The following MKLN1 variants were observed in gnomAD, a reference collection of about 807,000 sequenced individuals.
MKLN1 encodes muskelin.
In MKLN1, 18 loss-of-function variants were observed where a neutral mutation model predicts 99.0. The observed-to-expected ratio is 0.18, with a 90% CI of 0.13 to 0.27. The LOEUF is 0.27. Among genes scored for constraint, MKLN1 ranks in the 10% least tolerant of loss-of-function variants. MKLN1 has a pLI of 1.00. For synonymous variants in MKLN1, 288 were observed against 293.2 expected (o/e 0.98, Z 0.18); for missense variants, 621 against 875.9 (o/e 0.71, Z 3.67).
Position 131,443,477 on chromosome 7 carries a change from A to G in MKLN1, c.1174-4A>G. The G allele has an allele frequency of 6.3e-7, 1 of 1,598,858 alleles. No individual in the cohort carries two copies. Among genetic ancestry groups the G allele is most frequent in the South Asian group, 1.1e-5 (1 of 90,754 alleles). On this transcript the variant is annotated splice_polypyrimidine_tract_variant and splice_region_variant and intron_variant, in intron 10 of 17. Coordinates refer to ENST00000352689, the MANE Select transcript of MKLN1 (RefSeq NM_013255.5). The stretch of plus-strand genomic sequence containing the variant: ...CTATTCAATCTGTTGCCTTGTTCTG[A>G]TAGATGTGTATGGACTCAGAAAAAC...
At chr7:131,281,690 T>G (rs1379409367) in intron 3 of MKLN1, among the ~76,000 whole-genome samples, 1 of 131,076 alleles carries the variant, frequency 7.6e-6, no homozygotes, top group East Asian at 2.0e-4. Context: ...ATTTCTTTTC[T>G]TTTTTTTTTT....
chr7:131,323,579 C>G (rs1798827197), upstream of MKLN1: 1 of 152,164 alleles, frequency 6.6e-6, no homozygotes, highest in Admixed American at 6.5e-5. Flanking sequence ...TTCCCAGATA[C>G]TACAAGACAG....
chr7:131,398,786 A>C (rs752782054), intron 5 of MKLN1, among the ~76,000 whole-genome samples: 2 of 152,174 alleles, frequency 1.3e-5, no homozygotes, highest in Non-Finnish European at 1.5e-5. Flanking sequence ...TGTATACTTG[A>C]TACTTGTCAT....
intron 3 of MKLN1, among the ~76,000 whole-genome samples, chr7:131,311,724 C>T (rs1405989452): frequency 6.6e-6 from 1 of 151,986 alleles, no homozygotes; most frequent in Admixed American, 6.6e-5. Flanking sequence ...TCAAAGATTG[C>T]AAAAAGCAAA....
chr7:131,191,062 G>A (rs1796533934), intron 2 of MKLN1, among the ~76,000 whole-genome samples: 1 of 152,196 alleles, frequency 6.6e-6, no homozygotes, highest in Admixed American at 6.5e-5. Context: ...GACTAGCTAG[G>A]CCATAGATAG....
intron 2 of MKLN1, among the ~76,000 whole-genome samples, chr7:131,145,039 C>T (rs957741845): frequency 4.6e-5 from 7 of 152,088 alleles, no homozygotes; most frequent in Non-Finnish European, 1.0e-4. Flanking sequence ...GATGCATATT[C>T]GGATCTCCAG....
chr7:131,112,208 CT>C (rs1795212671), intron 1 of MKLN1, among the ~76,000 whole-genome samples: 1 of 152,158 alleles, frequency 6.6e-6, no homozygotes, highest in Admixed American at 6.5e-5. Flanking sequence ...CATTGTAGGT[CT>C]TATGTCAGTT....
chr7:131,241,567 G>A (rs1254042764), intron 3 of MKLN1, among the ~76,000 whole-genome samples: 1 of 152,140 alleles, frequency 6.6e-6, no homozygotes, highest in Non-Finnish European at 1.5e-5. Context: ...AAGTAGCCAG[G>A]TGTGGTGGCC....
rs551433955 is a variant in MKLN1 at position 131,190,459 on chromosome 7, G to GA, written c.-296-12383dup. Among the ~76,000 whole-genome samples, 1,566 of 133,026 alleles carry GA rather than the reference G, an allele frequency of 0.012. 78 individuals are homozygous for GA. The East Asian group carries it at 0.17, about 15-fold the overall frequency. The allele number at this position is 133,026 out of a possible 152,430, so 87.3% of individuals were successfully genotyped here. A position where few individuals can be genotyped will look rare whatever the true frequency, so the allele number is the denominator to read the frequency against. Reference sequence around the variant, plus strand: ...ATTTCCATTCTTTGCTTGCAGCTCTGAAAAAAAAAAAAAAATCTAAAGAGC... The same window carrying GA: ...ATTTCCATTCTTTGCTTGCAGCTCTGAAAAAAAAAAAAAAAATCTAAAGAGC... On this transcript the variant is annotated intron_variant, in intron 2 of 7. Coordinates refer to the MKLN1 transcript ENST00000416992.
intron 6 of MKLN1, among the ~76,000 whole-genome samples, chr7:131,410,683 G>A (rs547624672): frequency 6.6e-6 from 1 of 152,180 alleles, no homozygotes; most frequent in East Asian, 1.9e-4. Flanking sequence ...TGTCATTATA[G>A]GATGTAAAGA....
intron 2 of MKLN1, among the ~76,000 whole-genome samples, chr7:131,162,119 C>T (rs369903653): frequency 2.0e-5 from 3 of 151,490 alleles, no homozygotes; most frequent in African/African-American, 4.9e-5. Flanking sequence ...CTGCAACCTC[C>T]GCCTCCTGAG....
In MKLN1 at chr7:131,328,006, C is replaced by T. The variant is rs779833211; in HGVS notation, c.98+9C>T. ...TCCACCTACCTTCCCGAGTAAGTGC[C>T]GGGCCTTGAGCTCGTGCTGCCCCAC... On this transcript the variant is annotated intron_variant, in intron 1 of 17. Transcript: ENST00000352689. 2 of 1,613,656 alleles carry T rather than the reference C, an allele frequency of 1.2e-6. No homozygotes were observed. Among genetic ancestry groups the T allele is most frequent in the South Asian group, 1.1e-5 (1 of 91,054 alleles).
chr7:131,279,698 C>T (rs1206780579), intron 3 of MKLN1, among the ~76,000 whole-genome samples: 4 of 152,044 alleles, frequency 2.6e-5, no homozygotes, highest in South Asian at 2.1e-4. Flanking sequence ...CCCAGCTACT[C>T]GGGAGGTGGA....
intron 1 of MKLN1, among the ~76,000 whole-genome samples, chr7:131,350,514 G>A (rs777743455): frequency 3.7e-4 from 56 of 152,218 alleles, no homozygotes; most frequent in Non-Finnish European, 7.1e-4. Context: ...GTTGGCTGGG[G>A]CTGTGGTTTC....
intron 1 of MKLN1, among the ~76,000 whole-genome samples, chr7:131,355,883 C>A (rs1584642644): frequency 6.6e-6 from 1 of 151,622 alleles, no homozygotes; most frequent in Admixed American, 6.6e-5. Context: ...CCCATTGATT[C>A]TTTTGGCATC....
chr7:131,472,615 TGTG>T (rs1796850112), intron 16 of MKLN1, among the ~76,000 whole-genome samples: 1 of 152,024 alleles, frequency 6.6e-6, no homozygotes, highest in South Asian at 2.1e-4. Context: ...TGTGTGTGTG[TGTG>T]TGTGTGTTGG....
At chr7:131,203,182 G>A (rs144706440) in intron 3 of MKLN1, among the ~76,000 whole-genome samples, 2 of 152,146 alleles carry the variant, frequency 1.3e-5, no homozygotes, top group Admixed American at 6.5e-5. Flanking sequence ...TCCCAAGTCC[G>A]AGCACTGTAT....
chr7:131,357,233 G>A (rs1322943896), intron 1 of MKLN1, among the ~76,000 whole-genome samples: 1 of 152,090 alleles, frequency 6.6e-6, no homozygotes, highest in Non-Finnish European at 1.5e-5. Flanking sequence ...TCTTGACTGT[G>A]ACAGTTTTCT....
intron 3 of MKLN1, among the ~76,000 whole-genome samples, chr7:131,269,514 C>A (rs1797854559): frequency 1.3e-5 from 2 of 152,188 alleles, no homozygotes; most frequent in Non-Finnish European, 2.9e-5. Flanking sequence ...AATTTCATCA[C>A]CTTAGGGGTT....
Sources: allele counts gnomAD v4.1 joint callset (sites outside exome capture counted in the v4.1 genomes callset), GRCh38; gene constraint gnomAD v4.1.1; transcripts MANE v1.5; gene names NCBI Gene and HGNC (gene_info 2026-07-23, HGNC 2026-07-21).